CD8B: variants seen among roughly 807,000 people sequenced by gnomAD.
CD8B encodes the protein CD8 subunit beta, also known as T-cell surface glycoprotein CD8 beta chain.
Under a neutral mutation model 24.2 loss-of-function variants are expected in CD8B, and 6 were observed. The ratio of observed to expected loss-of-function variants is 0.25; its 90% CI spans 0.14 to 0.49. The LOEUF (loss-of-function observed/expected upper bound fraction) is 0.49. Among genes scored for constraint, CD8B ranks in the 20% least tolerant of loss-of-function variants. The probability of loss-of-function intolerance (pLI) is 0.98; values close to 1 mark genes in which losing one functional copy is unlikely to be tolerated. For synonymous variants in CD8B, 84 were observed against 108.3 expected, an observed-to-expected ratio of 0.78 and a Z score of 1.39; for missense variants, 196 against 271.3, an observed-to-expected ratio of 0.72 and a Z score of 1.95.
intron 3 of CD8B, 120 bp downstream of exon 3, chr2:86,852,877 C>T (rs1227540451): frequency 1.7e-5 from 24 of 1,434,246 alleles, no homozygotes; most frequent in East Asian, 1.0e-4. Context: ...TAGCTTAGGC[C>T]GGGGAGATAG....
intron 5 of CD8B, among the ~76,000 whole-genome samples, chr2:86,830,312 G>A (rs1674857346): frequency 6.6e-6 from 1 of 152,148 alleles, no homozygotes; most frequent in African/African-American, 2.4e-5. Context: ...CAGGCATGGT[G>A]GCTCACACCT....
intron 5 of CD8B, among the ~76,000 whole-genome samples, chr2:86,821,046 T>A (rs2104493783): frequency 6.6e-6 from 1 of 152,326 alleles, no homozygotes; most frequent in African/African-American, 2.4e-5. Context: ...CCACCTTTTC[T>A]GACCCAACTC....
rs886531985 is a variant in CD8B at position 86,841,662 on chromosome 2, G to A, written c.*645C>T. 143 of 984,436 alleles carry A rather than the reference G, an allele frequency of 1.5e-4. No homozygotes were observed. The highest frequency in any genetic ancestry group is 1.7e-4 in the Non-Finnish European group (137 of 829,146). The allele number at this position is 984,436 out of a possible 1,614,324, so 61.0% of individuals were successfully genotyped here. A position where few individuals can be genotyped will look rare whatever the true frequency, so the allele number is the denominator to read the frequency against. ...AAACAGAAAATGAAAGAAGCATTAA[G>A]CCATGGGAGAGTAGAAATGGGAGCT... On this transcript the variant is annotated 3_prime_UTR_variant, in exon 6 of 6. Coordinates refer to ENST00000390655, the MANE Select transcript of CD8B (RefSeq NM_004931.5).
At chr2:86,820,153 T>C (rs1164111306) in intron 5 of CD8B, among the ~76,000 whole-genome samples, 3 of 152,236 alleles carry the variant, frequency 2.0e-5, no homozygotes, top group Non-Finnish European at 4.4e-5. Flanking sequence ...CTGGTGAAGA[T>C]GGTGTGAACA....
chr2:86,832,933 TCCTCTCCTCCCCTCTCCTCCCCTCC>T (rs1558751830), intron 5 of CD8B: 11 of 214,444 alleles, frequency 5.1e-5, no homozygotes, highest in East Asian at 1.5e-4. Flanking sequence ...TCCTCTCCTC[TCCTCTCCTCCCCTCTCCTCCCCTCC>T]CCTCTCCTCC....
intron 4 of CD8B, among the ~76,000 whole-genome samples, chr2:86,845,443 C>T (rs1675630747): frequency 6.6e-6 from 1 of 152,148 alleles, no homozygotes; most frequent in Admixed American, 6.5e-5. Flanking sequence ...ATTTGTATTT[C>T]AGCCTTTATT....
At chr2:86,822,380 C>T in intron 5 of CD8B, 2 of 1,552,760 alleles carry the variant, frequency 1.3e-6, no homozygotes, top group Non-Finnish European at 8.9e-7. Context: ...TTAGTCTTGG[C>T]ACAATAGAGT....
chr2:86,846,941 T>C (rs1404657895), intron 3 of CD8B, among the ~76,000 whole-genome samples, 168 bp from the exon 4 acceptor site: 2 of 130,656 alleles, frequency 1.5e-5, no homozygotes, highest in Admixed American at 7.5e-5. Context: ...TTTTTTTTTT[T>C]TTTTTTTTTT....
intron 1 of CD8B, among the ~76,000 whole-genome samples, chr2:86,861,000 A>C (rs1464406332): frequency 6.6e-6 from 1 of 152,254 alleles, no homozygotes; most frequent in Non-Finnish European, 1.5e-5. Flanking sequence ...TTCTAGATCC[A>C]TCAGTAATGA....
intron 3 of CD8B, among the ~76,000 whole-genome samples, chr2:86,848,707 T>TATTTATTTA (rs1675814758): frequency 6.4e-5 from 5 of 77,812 alleles, no homozygotes; most frequent in African/African-American, 2.9e-4. Flanking sequence ...TTAAATTATT[T>TATTTATTTA]ATTTATTTAT....
At chr2:86,849,135 A>G (rs1305611826) in intron 3 of CD8B, among the ~76,000 whole-genome samples, 1 of 152,292 alleles carries the variant, frequency 6.6e-6, no homozygotes, top group African/African-American at 2.4e-5. Context: ...GGGTGTGGAC[A>G]CAGATCCTCC....
At chr2:86,861,108 A>C (rs1208050459) in intron 1 of CD8B, among the ~76,000 whole-genome samples, 1 of 152,214 alleles carries the variant, frequency 6.6e-6, no homozygotes, top group African/African-American at 2.4e-5. Context: ...CCCTGGCAAG[A>C]TGACCAGCTT....
At chr2:86,861,671 A>G in intron 1 of CD8B, 152 bp downstream of exon 1, 1 of 474,118 alleles carries the variant, frequency 2.1e-6, no homozygotes, top group Non-Finnish European at 3.4e-6. Context: ...ACCCTTAGGG[A>G]CCGTGCCTGC....
In CD8B at chr2:86,839,622, G is replaced by A. The variant is rs112015296; in HGVS notation, c.*2685C>T. 2.0e-5 allele frequency among the ~76,000 whole-genome samples: 3 copies of A among 152,202 alleles called. No homozygotes were observed. The highest frequency in any genetic ancestry group is 4.8e-5 in the African/African-American group (2 of 41,452). On this transcript the variant is annotated 3_prime_UTR_variant, in exon 6 of 6. Coordinates refer to ENST00000390655, the MANE Select transcript of CD8B (RefSeq NM_004931.5). ...GGGCAGCCGGAGCTGAGCCCGCCTC[G>A]GCAGGTGCCTGCTGCACAGAAAACT...
chr2:86,848,811 G>T (rs956425549), intron 3 of CD8B, among the ~76,000 whole-genome samples: 12 of 151,492 alleles, frequency 7.9e-5, no homozygotes, highest in Non-Finnish European at 7.4e-5. Flanking sequence ...CTGCCTCCTG[G>T]GTTCAAGCGA....
intron 5 of CD8B, among the ~76,000 whole-genome samples, chr2:86,817,375 G>T (rs886175184): frequency 4.6e-5 from 7 of 152,074 alleles, no homozygotes; most frequent in Non-Finnish European, 7.4e-5. Context: ...TTGGAAAATT[G>T]TAATAATAAT....
At chr2:86,837,617 C>T (rs904290895), downstream of CD8B, among the ~76,000 whole-genome samples, 2 of 130,608 alleles carry the variant, frequency 1.5e-5, no homozygotes, top group African/African-American at 5.7e-5. Context: ...CACGCGGGGT[C>T]GGGGATCACT....
At chr2:86,845,577 C>T (rs1358706239) in intron 4 of CD8B, among the ~76,000 whole-genome samples, 1 of 152,220 alleles carries the variant, frequency 6.6e-6, no homozygotes, top group African/African-American at 2.4e-5. Context: ...CTTGCCACTA[C>T]ACCCAACTTA....
intron 5 of CD8B, among the ~76,000 whole-genome samples, chr2:86,829,452 G>C (rs1674822814): frequency 6.6e-6 from 1 of 152,028 alleles, no homozygotes. Flanking sequence ...TTCCTAATTA[G>C]GGAAAAAGGA....
Sources: allele counts gnomAD v4.1 joint callset (sites outside exome capture counted in the v4.1 genomes callset), GRCh38; gene constraint gnomAD v4.1.1; transcripts MANE v1.5; gene names NCBI Gene and HGNC (gene_info 2026-07-23, HGNC 2026-07-21).